SPPL3: variants seen among roughly 807,000 people sequenced by gnomAD.
SPPL3 encodes signal peptide peptidase-like 3.
A neutral mutation model predicts 42.4 loss-of-function variants in SPPL3; 5 were observed. The observed-to-expected ratio is 0.12, with a 90% CI of 0.06 to 0.25. The LOEUF (loss-of-function observed/expected upper bound fraction) is 0.25. Ranked by LOEUF, SPPL3 falls within the 10% of genes least tolerant of loss-of-function variation. SPPL3 has a pLI of 1.00. For synonymous variants in SPPL3, 195 were observed against 181.8 expected, an observed-to-expected ratio of 1.07 and a Z score of -0.58; for missense variants, 235 against 489.0, an observed-to-expected ratio of 0.48 and a Z score of 4.90.
chr12:120,877,399 T>TA (rs1340249016), intron 1 of SPPL3, among the ~76,000 whole-genome samples: 5 of 151,958 alleles, frequency 3.3e-5, no homozygotes, highest in South Asian at 2.1e-4. Flanking sequence ...ACTAAAGACC[T>TA]AAAAAAATCA....
intron 2 of SPPL3, among the ~76,000 whole-genome samples, chr12:120,802,373 A>C (rs1187560671): frequency 7.1e-6 from 1 of 141,818 alleles, no homozygotes; most frequent in East Asian, 2.0e-4. Flanking sequence ...ATATATACAT[A>C]TATATGTATA....
chr12:120,859,876 G>C (rs2137041281), intron 1 of SPPL3, among the ~76,000 whole-genome samples: 1 of 152,228 alleles, frequency 6.6e-6, no homozygotes, highest in South Asian at 2.1e-4. Flanking sequence ...CCGGGAGGCA[G>C]AGGTTGCAGT....
At chr12:120,877,142 A>G (rs935310514) in intron 1 of SPPL3, among the ~76,000 whole-genome samples, 5 of 152,234 alleles carry the variant, frequency 3.3e-5, no homozygotes, top group African/African-American at 1.2e-4. Flanking sequence ...CAATTTCAAC[A>G]TAAATTGGGA....
chr12:120,768,275 C>T (rs1868982150), intron 8 of SPPL3, 50 bp downstream of exon 8: 2 of 1,564,828 alleles, frequency 1.3e-6, no homozygotes, highest in Non-Finnish European at 8.7e-7. Flanking sequence ...AGGCCGGGAA[C>T]AGATAGGCAC....
chr12:120,805,716 A>T (rs1027649427), intron 2 of SPPL3, among the ~76,000 whole-genome samples: 2 of 152,258 alleles, frequency 1.3e-5, no homozygotes, highest in Non-Finnish European at 2.9e-5. Flanking sequence ...CTATATACTT[A>T]GCAATGAACA....
chr12:120,820,356 C>A (rs1871024444), intron 1 of SPPL3, among the ~76,000 whole-genome samples: 1 of 138,850 alleles, frequency 7.2e-6, no homozygotes, highest in South Asian at 2.2e-4. Context: ...CGCTCTGTCG[C>A]CCAGGCTGGA....
intron 6 of SPPL3, among the ~76,000 whole-genome samples, chr12:120,770,324 GC>G (rs1312373425): frequency 6.6e-6 from 1 of 152,146 alleles, no homozygotes; most frequent in African/African-American, 2.4e-5. Context: ...ACCATGCCCA[GC>G]CTAAAGTCCT....
chr12:120,902,791 C>T (rs946714310), intron 1 of SPPL3, among the ~76,000 whole-genome samples: 6 of 152,190 alleles, frequency 3.9e-5, no homozygotes, highest in African/African-American at 1.4e-4. Flanking sequence ...GTCCCCCACT[C>T]CTACGATCAT....
At chr12:120,868,591 C>T (rs1872831501) in intron 1 of SPPL3, among the ~76,000 whole-genome samples, 1 of 152,138 alleles carries the variant, frequency 6.6e-6, no homozygotes, top group Non-Finnish European at 1.5e-5. Flanking sequence ...AAGCGATTCT[C>T]CTGCCTCAGC....
intron 1 of SPPL3, among the ~76,000 whole-genome samples, chr12:120,880,202 A>G (rs1254106360): frequency 1.3e-5 from 2 of 152,060 alleles, no homozygotes; most frequent in African/African-American, 2.4e-5. Flanking sequence ...TATATGGTAC[A>G]CTACTATCCT....
intron 1 of SPPL3, among the ~76,000 whole-genome samples, chr12:120,895,150 G>A (rs58918988): frequency 0.4 from 60,164 of 151,384 alleles, 14,038 homozygotes; most frequent in Middle Eastern, 0.56. Flanking sequence ...AAAACAGGTC[G>A]GGCATGGTGG....
chr12:120,903,845 C>A lies in SPPL3; in HGVS notation c.23G>T (p.Trp8Leu). 1 of 1,475,940 alleles carries A rather than the reference C, an allele frequency of 6.8e-7. No homozygotes were observed. The highest frequency in any genetic ancestry group is 8.9e-7 in the Non-Finnish European group (1 of 1,119,688). 91.4% of individuals were successfully genotyped at this position (1,475,940 alleles called of 1,614,324 possible). A position where few individuals can be genotyped will look rare whatever the true frequency, so the allele number is the denominator to read the frequency against. Residue 8 changes from tryptophan (W) to leucine (L), a missense_variant and splice_region_variant, in exon 1 of 11, where the codon TGG (tryptophan) becomes TTG (leucine). Physicochemically the swap from Trp to Leu is moderately conservative, Grantham distance 61 (BLOSUM62 -2). Around this residue, in one of 6 missense-constraint regions of SPPL3, gnomAD observed 110 missense variants for 186.2 expected, o/e 0.59. Coordinates refer to ENST00000353487, the MANE Select transcript of SPPL3 (RefSeq NM_139015.5). ...CGGCCTCCCGGAGCCCCGCACTCAC[C>A]ACGAGTAGGTCTGCTCCGCCATGGC... is the stretch of plus-strand genomic sequence containing the variant. MAEQTYS[W>L]AYSLVDSSQV...
chr12:120,830,037 T>G (rs924215982), intron 1 of SPPL3, among the ~76,000 whole-genome samples: 1 of 149,570 alleles, frequency 6.7e-6, no homozygotes. Context: ...GTTCACGAAC[T>G]ACACCTTTAA....
chr12:120,822,187 A>C (rs1871092221), intron 1 of SPPL3, among the ~76,000 whole-genome samples: 1 of 152,232 alleles, frequency 6.6e-6, no homozygotes, highest in Non-Finnish European at 1.5e-5. Context: ...ACTGTTGCAC[A>C]AAACATAAGT....
chr12:120,776,692 C>T (rs1177331501), intron 6 of SPPL3, among the ~76,000 whole-genome samples: 1 of 151,980 alleles, frequency 6.6e-6, no homozygotes, highest in African/African-American at 2.4e-5. Context: ...TTTTGAGAAA[C>T]AGCTCATCTT....
intron 6 of SPPL3, among the ~76,000 whole-genome samples, chr12:120,780,092 T>C (rs1001137675): frequency 2.0e-5 from 3 of 151,192 alleles, no homozygotes; most frequent in Admixed American, 6.6e-5. Flanking sequence ...CAGTACATGC[T>C]TGTAATCCCA....
intron 1 of SPPL3, among the ~76,000 whole-genome samples, chr12:120,867,357 A>G (rs781153307): frequency 2.2e-4 from 33 of 152,184 alleles, no homozygotes; most frequent in Non-Finnish European, 4.6e-4. Context: ...AAGAACTACA[A>G]AGGACCATCA....
At chr12:120,771,288 C>T (rs1246241099) in intron 6 of SPPL3, among the ~76,000 whole-genome samples, 1 of 152,244 alleles carries the variant, frequency 6.6e-6, no homozygotes, top group Non-Finnish European at 1.5e-5. Flanking sequence ...CCTGCTACTT[C>T]CTTTGCCAGC....
chr12:120,769,180 C>G, intron 6 of SPPL3, 121 bp from the exon 7 acceptor site: 1 of 719,096 alleles, frequency 1.4e-6, no homozygotes, highest in Non-Finnish European at 2.3e-6. Flanking sequence ...CAGCCCTAAG[C>G]TCCAGCTTCA....
Sources: allele counts gnomAD v4.1 joint callset (sites outside exome capture counted in the v4.1 genomes callset), GRCh38; gene constraint gnomAD v4.1.1; regional missense constraint gnomAD v4.1.1; transcripts MANE v1.5; gene names NCBI Gene and HGNC (gene_info 2026-07-23, HGNC 2026-07-21).